TMEM184B: variants seen among roughly 807,000 people sequenced by gnomAD.
TMEM184B encodes the protein transmembrane protein 184B, also known as putative MAPK-activating protein FM08.
TMEM184B carries 17 observed loss-of-function variants against 41.8 expected under a neutral mutation model. The ratio of observed to expected loss-of-function variants is 0.41; its 90% confidence interval spans 0.28 to 0.61. The LOEUF (loss-of-function observed/expected upper bound fraction) is 0.61, where lower values mean the gene tolerates loss of function less well. Among genes scored for constraint, TMEM184B ranks in the 20% least tolerant of loss-of-function variants. The pLI is 0.34. For synonymous variants in TMEM184B, 240 were observed against 229.5 expected, an observed-to-expected ratio of 1.05 and a Z score of -0.41; for missense variants, 393 against 557.8, an observed-to-expected ratio of 0.70 and a Z score of 2.98.
chr22:38,248,664 T>C lies in TMEM184B; in HGVS notation c.-58-645A>G, dbSNP rs79956243. 6.5e-3 allele frequency among the ~76,000 whole-genome samples: 990 copies of C among 152,340 alleles called. 13 individuals are homozygous for C. The highest frequency in any genetic ancestry group is 0.023 in the African/African-American group (949 of 41,570). ...TCGATTCACTCATGTATTTATTAAC[T>C]GTTCCCCCCACCCCACCTAGAATGC... On this transcript the variant is annotated intron_variant, in intron 1 of 8. Transcript: ENST00000361906.
intron 3 of TMEM184B, among the ~76,000 whole-genome samples, chr22:38,241,456 G>T (rs925335711): frequency 6.6e-6 from 1 of 151,366 alleles, no homozygotes; most frequent in Non-Finnish European, 1.5e-5. Context: ...GGGAGGTCGA[G>T]GCGCAAGGAT....
chr22:38,246,041 G>A lies in TMEM184B; in HGVS notation c.252C>T (p.Ile84=), dbSNP rs1343620676. 1 of 1,613,574 alleles carries A rather than the reference G, an allele frequency of 6.2e-7. No individual in the cohort carries two copies. The highest frequency in any genetic ancestry group is 2.2e-5 in the East Asian group (1 of 44,882). Reference sequence around the variant, plus strand: ...AGGCGTAGATGGGCACGATGAAGAGGATGCGCACGATGTAGCGCTGCTCGT... The same window carrying A: ...AGGCGTAGATGGGCACGATGAAGAGAATGCGCACGATGTAGCGCTGCTCGT... The part of the protein sequence containing the change: ...CPNEQRYIVR[I]LFIVPIYAFD... The change falls in exon 3 of 9, where the codon ATC becomes ATT. Residue 84 remains isoleucine (I), a synonymous_variant. Coordinates refer to ENST00000361906, the MANE Select transcript of TMEM184B (RefSeq NM_012264.5).
In TMEM184B at chr22:38,221,118, C is replaced by A; in HGVS notation, c.*351G>T. 1.8e-6 allele frequency: 2 copies of A among 1,122,916 alleles called. No individual in the cohort carries two copies. The highest frequency in any genetic ancestry group is 1.1e-6 in the Non-Finnish European group (1 of 915,532). 69.6% of individuals were successfully genotyped at this position (1,122,916 alleles called of 1,614,324 possible). A position where few individuals can be genotyped will look rare whatever the true frequency, so the allele number is the denominator to read the frequency against. On this transcript the variant is annotated 3_prime_UTR_variant, in exon 9 of 9. Coordinates refer to ENST00000361906, the MANE Select transcript of TMEM184B (RefSeq NM_012264.5). ...CTGAGAGTCTCGCGGGGAGGAGGGG[C>A]TAGAAGGCTGCAGCCGCTGGTCCAC...
rs2091459754 is a variant in TMEM184B at position 38,226,971 on chromosome 22, A to G, written c.526-101T>C. 1.6e-6 allele frequency: 2 copies of G among 1,225,634 alleles called. No homozygotes were observed. Among genetic ancestry groups the G allele is most frequent in the Admixed American group, 4.1e-5 (2 of 49,108 alleles). 75.9% of individuals were successfully genotyped at this position (1,225,634 alleles called of 1,614,324 possible). A position where few individuals can be genotyped will look rare whatever the true frequency, so the allele number is the denominator to read the frequency against. On this transcript the variant is annotated intron_variant, in intron 5 of 8. Coordinates refer to ENST00000361906, the MANE Select transcript of TMEM184B (RefSeq NM_012264.5). This position sits in a 1 kb window ranked among gnomAD's most constrained non-coding sequence, Gnocchi z 4.6. The stretch of plus-strand genomic sequence containing the variant: ...GGAACTGTACCGGATGGAGGGACAG[A>G]GAGGATGAAGGAGACGGAGAGGACG...
chr22:38,254,482 C>T (rs75520567), intron 1 of TMEM184B, among the ~76,000 whole-genome samples: 19,096 of 152,022 alleles, frequency 0.13, 1,300 homozygotes, highest in South Asian at 0.21. Flanking sequence ...TGTCTGTAAT[C>T]CCAGCTACTC....
At chr22:38,266,794 A>G (rs1178906341) in intron 1 of TMEM184B, among the ~76,000 whole-genome samples, 1 of 152,208 alleles carries the variant, frequency 6.6e-6, no homozygotes, top group African/African-American at 2.4e-5. Flanking sequence ...TTTACTATCA[A>G]CAAGTACGGC....
intron 5 of TMEM184B, among the ~76,000 whole-genome samples, chr22:38,228,133 C>A (rs954345643): frequency 6.6e-6 from 1 of 152,164 alleles, no homozygotes; most frequent in Non-Finnish European, 1.5e-5. Flanking sequence ...GGCTGCCATA[C>A]GGAGAGGCCC....
intron 1 of TMEM184B, among the ~76,000 whole-genome samples, chr22:38,249,028 TTC>T (rs1257178954): frequency 6.6e-6 from 1 of 152,188 alleles, no homozygotes; most frequent in East Asian, 1.9e-4. Context: ...CCTTCTCCAG[TTC>T]TGAGACTTCT....
intron 1 of TMEM184B, among the ~76,000 whole-genome samples, chr22:38,260,499 T>C (rs952465951): frequency 6.6e-6 from 1 of 152,154 alleles, no homozygotes; most frequent in Non-Finnish European, 1.5e-5. Flanking sequence ...ACTGCCGTGC[T>C]GTGAAATCCG....
downstream of TMEM184B, among the ~76,000 whole-genome samples, chr22:38,218,530 C>G (rs2091177542): frequency 6.6e-6 from 1 of 151,950 alleles, no homozygotes; most frequent in Admixed American, 6.6e-5. Context: ...ATGGGGCTGG[C>G]TGGGTATGGG....
downstream of TMEM184B, among the ~76,000 whole-genome samples, chr22:38,216,764 C>T (rs779286991): frequency 6.6e-5 from 10 of 152,062 alleles, no homozygotes; most frequent in African/African-American, 1.4e-4. Context: ...TGGATTCTGG[C>T]GGAGCATGGT....
In TMEM184B at chr22:38,239,928, C is replaced by T. The variant is rs2091865747; in HGVS notation, c.358+6007G>A. Among the ~76,000 whole-genome samples the T allele has an allele frequency of 6.6e-6, 1 of 151,880 alleles. No individual in the cohort carries two copies. Among genetic ancestry groups the T allele is most frequent in the Non-Finnish European group, 1.5e-5 (1 of 67,980 alleles). On this transcript the variant is annotated intron_variant, in intron 3 of 8. Coordinates refer to ENST00000361906, the MANE Select transcript of TMEM184B (RefSeq NM_012264.5). This position sits in a 1 kb window ranked among gnomAD's most constrained non-coding sequence, Gnocchi z 4.6. ...AACACCCCATGTTCCATCACCCAAT[C>T]AGGAGGTCCAGCAATTTTTTTTTTT...
chr22:38,251,325 T>C (rs1440407821), intron 1 of TMEM184B, among the ~76,000 whole-genome samples: 2 of 152,246 alleles, frequency 1.3e-5, no homozygotes, highest in African/African-American at 4.8e-5. Context: ...AAAGTAACAT[T>C]ATCTCCATCT....
intron 3 of TMEM184B, among the ~76,000 whole-genome samples, chr22:38,237,970 T>C (rs976729032): frequency 6.6e-6 from 1 of 151,758 alleles, no homozygotes; most frequent in African/African-American, 2.4e-5. Context: ...CTGGCTAATT[T>C]TGTATTTTTA....
rs2091215484 is a variant in TMEM184B, at chr22:38,219,985, AG to A, written c.*1483del. 4.1e-6 allele frequency: 4 copies of A among 985,490 alleles called. No homozygotes were observed. Among genetic ancestry groups the A allele is most frequent in the Non-Finnish European group, 4.8e-6 (4 of 829,978 alleles). The allele number at this position is 985,490 out of a possible 1,614,324, so 61.0% of individuals were successfully genotyped here. On this transcript the variant is annotated 3_prime_UTR_variant, in exon 9 of 9. Coordinates refer to ENST00000361906, the MANE Select transcript of TMEM184B (RefSeq NM_012264.5). ...GGCAGGGAGGGAACCTGTTCATTCC[AG>A]GAAGGACCAAAAGAAAGAATCCCCA...
intron 1 of TMEM184B, among the ~76,000 whole-genome samples, chr22:38,252,170 C>A (rs1050786983): frequency 6.6e-6 from 1 of 152,142 alleles, no homozygotes; most frequent in Admixed American, 6.5e-5. Flanking sequence ...AGCCATCCTC[C>A]CACCTCAGCC....
intron 1 of TMEM184B, among the ~76,000 whole-genome samples, chr22:38,269,684 G>A (rs576063269): frequency 2.6e-5 from 4 of 152,052 alleles, no homozygotes; most frequent in African/African-American, 4.8e-5. Flanking sequence ...GCAACAGAGC[G>A]AGACTCCATC....
At chr22:38,228,791 C>A (rs2091526798) in intron 5 of TMEM184B, among the ~76,000 whole-genome samples, 1 of 152,178 alleles carries the variant, frequency 6.6e-6, no homozygotes, top group South Asian at 2.1e-4. Flanking sequence ...CCGCCAGGAA[C>A]AAGAACAGAA....
intron 5 of TMEM184B, among the ~76,000 whole-genome samples, chr22:38,229,426 C>T (rs2091547318): frequency 6.6e-6 from 1 of 152,228 alleles, no homozygotes; most frequent in African/African-American, 2.4e-5. Context: ...ACTCATTTTA[C>T]AGTGGAGGAA....
Sources: gnomAD v4.1 joint callset for allele counts (sites outside exome capture counted in the v4.1 genomes callset) on GRCh38, gnomAD v4.1.1 for gene constraint, Gnocchi (gnomAD v3.1) non-coding constraint, MANE v1.5 for transcripts, NCBI Gene and HGNC (gene_info 2026-07-23, HGNC 2026-07-21) for gene names.